Variants in AGBL1 observed in about 807,000 individuals in gnomAD.
The protein encoded by AGBL1 is AGBL carboxypeptidase 1.
In AGBL1, 130 loss-of-function variants were observed where a neutral mutation model predicts 118.9. The ratio of observed to expected loss-of-function variants is 1.09; its 90% CI spans 0.95 to 1.26. The LOEUF is 1.26. Among genes scored for constraint, AGBL1 ranks in the 50% most tolerant of loss-of-function variants. The pLI, the probability that AGBL1 is intolerant of heterozygous loss-of-function variation, is 0.00. For missense variants in AGBL1, 1,584 were observed against 1,298.1 expected (o/e 1.22, Z -3.38); for synonymous variants, 555 against 478.9 (o/e 1.16, Z -2.08).
intron 6 of AGBL1, among the ~76,000 whole-genome samples, chr15:86,230,598 G>A (rs1018410096): frequency 2.9e-4 from 44 of 152,184 alleles, no homozygotes; most frequent in Admixed American, 1.1e-3. Context: ...CCCACAGAGT[G>A]TATTTCTTCC....
chr15:86,101,246 A>G (rs1258351750), intron 1 of AGBL1, among the ~76,000 whole-genome samples: 3 of 152,096 alleles, frequency 2.0e-5, no homozygotes, highest in Non-Finnish European at 2.9e-5. Context: ...TTTTAATTTT[A>G]TAATTGTTGA....
At chr15:86,762,125 A>G (rs1395257874) in intron 22 of AGBL1, among the ~76,000 whole-genome samples, 1 of 152,128 alleles carries the variant, frequency 6.6e-6, no homozygotes, top group African/African-American at 2.4e-5. Context: ...GGAACAGAAA[A>G]CCAAACACTG....
intron 6 of AGBL1, among the ~76,000 whole-genome samples, chr15:86,231,001 G>A (rs2078446416): frequency 6.6e-6 from 1 of 152,172 alleles, no homozygotes. Flanking sequence ...ACCAGAGAGA[G>A]GGCGTGATCC....
At chr15:86,757,845 A>G (rs1264080453) in intron 22 of AGBL1, among the ~76,000 whole-genome samples, 1 of 152,098 alleles carries the variant, frequency 6.6e-6, no homozygotes, top group East Asian at 1.9e-4. Flanking sequence ...TTCTTTAACC[A>G]TAGTAGAACA....
At chr15:86,773,338 T>A (rs2078208277) in intron 22 of AGBL1, among the ~76,000 whole-genome samples, 2 of 152,040 alleles carry the variant, frequency 1.3e-5, no homozygotes, top group Non-Finnish European at 2.9e-5. Flanking sequence ...GAAGGATATG[T>A]AGGGTTTAAG....
At chr15:86,240,254 A>G (rs979300018) in intron 6 of AGBL1, among the ~76,000 whole-genome samples, 5 of 152,266 alleles carry the variant, frequency 3.3e-5, no homozygotes, top group Admixed American at 1.3e-4. Context: ...GGAAATATTT[A>G]GTAAATAAAT....
intron 23 of AGBL1, among the ~76,000 whole-genome samples, chr15:86,922,031 G>T (rs577628861): frequency 6.6e-6 from 1 of 152,034 alleles, no homozygotes; most frequent in Non-Finnish European, 1.5e-5. Context: ...GGACTTAGTC[G>T]TAATTTTTCA....
At chr15:86,804,131 T>C (rs896720498) in intron 22 of AGBL1, among the ~76,000 whole-genome samples, 1 of 152,142 alleles carries the variant, frequency 6.6e-6, no homozygotes, top group Non-Finnish European at 1.5e-5. Context: ...TCCAGCCCTT[T>C]AGTATTTAAC....
rs67883935 is a variant in AGBL1 at position 86,410,841 on chromosome 15, T to TATAA, written c.2555+13296_2555+13297insTAAA. On this transcript the variant is annotated intron_variant, in intron 18 of 22. Transcript: ENST00000614907. ...ATATATATATATATATATATATATA[T>TATAA]AATATACTATTTTATATATAAAATA... Among the ~76,000 whole-genome samples, 123 of 64,516 alleles carry TATAA rather than the reference T, an allele frequency of 1.9e-3. 2 individuals are homozygous for TATAA. Among genetic ancestry groups the TATAA allele is most frequent in the African/African-American group, 7.3e-3 (110 of 15,016 alleles). The allele number at this position is 64,516 out of a possible 152,430, so 42.3% of individuals were successfully genotyped here.
chr15:86,545,517 C>T (rs182327608), intron 19 of AGBL1, among the ~76,000 whole-genome samples: 2 of 152,034 alleles, frequency 1.3e-5, no homozygotes, highest in African/African-American at 4.8e-5. Context: ...AGCCTAGTAC[C>T]CATTAGTTAT....
In AGBL1 at chr15:86,343,004, T is replaced by C. The variant is rs1019442810; in HGVS notation, c.2374+47596T>C. On this transcript the variant is annotated intron_variant, in intron 17 of 22. Coordinates refer to ENST00000614907, the MANE Select transcript of AGBL1 (RefSeq NM_001386094.1). Reference sequence around the variant, plus strand: ...GTTGTATTGCTGCACACCATTCAGATTGGCATATACAGATGAATGATCTTC... The same window carrying C: ...GTTGTATTGCTGCACACCATTCAGACTGGCATATACAGATGAATGATCTTC... Among the ~76,000 whole-genome samples, 10 of 152,190 alleles carry C rather than the reference T, an allele frequency of 6.6e-5. 1 individual carries two copies. Among genetic ancestry groups the C allele is most frequent in the African/African-American group, 9.7e-5 (4 of 41,438 alleles).
chr15:86,856,596 T>C (rs931358789), intron 22 of AGBL1, among the ~76,000 whole-genome samples: 7 of 152,252 alleles, frequency 4.6e-5, no homozygotes, highest in Admixed American at 3.3e-4. Flanking sequence ...ATAAAGTGCA[T>C]TGAGCATCCA....
chr15:86,998,602 TA>T (rs1231588034), intron 24 of AGBL1, among the ~76,000 whole-genome samples: 1 of 152,178 alleles, frequency 6.6e-6, no homozygotes, highest in Non-Finnish European at 1.5e-5. Context: ...TTTTCTCCAA[TA>T]AGTTTGTTAA....
intron 22 of AGBL1, among the ~76,000 whole-genome samples, chr15:86,898,797 C>T (rs773897732): frequency 1.8e-4 from 28 of 152,090 alleles, no homozygotes; most frequent in Non-Finnish European, 4.1e-4. Flanking sequence ...AAAAGCTCAA[C>T]ATCACTGATC....
At chr15:86,692,081 T>G (rs1298555326) in intron 22 of AGBL1, among the ~76,000 whole-genome samples, 4 of 151,782 alleles carry the variant, frequency 2.6e-5, no homozygotes, top group Non-Finnish European at 5.9e-5. Context: ...AAAACTGACC[T>G]CCTTTGGAAT....
chr15:86,593,987 A>G (rs1030866883), intron 21 of AGBL1, among the ~76,000 whole-genome samples: 5 of 151,916 alleles, frequency 3.3e-5, no homozygotes, highest in African/African-American at 1.2e-4. Context: ...CAACAGTGCA[A>G]TCATAGCTCA....
intron 16 of AGBL1, among the ~76,000 whole-genome samples, chr15:86,290,696 T>G (rs571127825): frequency 2.6e-5 from 4 of 151,794 alleles, no homozygotes; most frequent in African/African-American, 9.7e-5. Flanking sequence ...TTTTTTATTT[T>G]ATTATTATTA....
intron 1 of AGBL1, among the ~76,000 whole-genome samples, chr15:86,081,555 A>G (rs1895287497): frequency 6.6e-6 from 1 of 152,220 alleles, no homozygotes; most frequent in African/African-American, 2.4e-5. Flanking sequence ...GTGAGAATGT[A>G]TCTGACCAGG....
intron 5 of AGBL1, among the ~76,000 whole-genome samples, chr15:86,195,946 A>C (rs975034889): frequency 6.6e-6 from 1 of 152,206 alleles, no homozygotes. Flanking sequence ...GTTGAGGATC[A>C]TAAGACTTAC....
Sources: allele counts gnomAD v4.1 joint callset (sites outside exome capture counted in the v4.1 genomes callset), GRCh38; gene constraint gnomAD v4.1.1; transcripts MANE v1.5; gene names NCBI Gene and HGNC (gene_info 2026-07-23, HGNC 2026-07-21).